The following SENP6 variants were observed in gnomAD, a reference collection of about 807,000 sequenced individuals.
SENP6 encodes the protein SUMO specific peptidase 6.
A neutral mutation model predicts 134.5 loss-of-function variants in SENP6; 41 were observed. That is an observed-to-expected ratio of 0.30 (90% CI 0.24 to 0.40). The LOEUF (loss-of-function observed/expected upper bound fraction) is 0.40. Among genes scored for constraint, SENP6 ranks in the 10% least tolerant of loss-of-function variants. The probability of loss-of-function intolerance (pLI) is 1.00; values close to 1 mark genes in which losing one functional copy is unlikely to be tolerated. For synonymous variants in SENP6, 395 were observed against 429.8 expected (o/e 0.92, Z 1.00); for missense variants, 1,248 against 1,312.5 (o/e 0.95, Z 0.76).
intron 9 of SENP6, among the ~76,000 whole-genome samples, chr6:75,664,272 A>AG (rs1015687286): frequency 6.6e-6 from 1 of 151,842 alleles, no homozygotes; most frequent in Non-Finnish European, 1.5e-5. Flanking sequence ...AAAAAAAAAA[A>AG]CAATAATAAT....
chr6:75,668,722 G>C (rs1772439557), intron 10 of SENP6, among the ~76,000 whole-genome samples: 1 of 152,196 alleles, frequency 6.6e-6, no homozygotes. Flanking sequence ...AGAATAGTTT[G>C]CTATCGCAAG....
chr6:75,670,095 G>A (rs1467589723), intron 10 of SENP6, among the ~76,000 whole-genome samples: 1 of 152,062 alleles, frequency 6.6e-6, no homozygotes, highest in African/African-American at 2.4e-5. Flanking sequence ...ACAGGCACCT[G>A]CCACCACACC....
chr6:75,678,731 T>C, intron 15 of SENP6, 39 bp downstream of exon 15: 1 of 1,387,304 alleles, frequency 7.2e-7, no homozygotes, highest in South Asian at 1.2e-5. Context: ...ATCTTAAATG[T>C]CTTTCTCTGT....
intron 7 of SENP6, among the ~76,000 whole-genome samples, chr6:75,652,696 A>AAAAAAAAAAAAAAAAAAAAAAG (rs796549538): frequency 6.7e-6 from 1 of 148,716 alleles, no homozygotes. Flanking sequence ...AAAAAAAAAA[A>AAAAAAAAAAAAAAAAAAAAAAG]AAAAAAAGAA....
chr6:75,703,172 A>T, intron 19 of SENP6, 100 bp downstream of exon 19: 1 of 1,037,576 alleles, frequency 9.6e-7, no homozygotes, highest in East Asian at 2.4e-5. Context: ...AATCAGGTTA[A>T]TGACTGGGTG....
At chr6:75,659,492 CT>C in intron 8 of SENP6, 85 bp downstream of exon 8, 1 of 1,280,844 alleles carries the variant, frequency 7.8e-7, no homozygotes, top group Non-Finnish European at 1.1e-6. Context: ...TCTAGGTGAT[CT>C]TTTATCATAG....
chr6:75,677,296 G>T, intron 14 of SENP6, 40 bp downstream of exon 14: 2 of 1,330,660 alleles, frequency 1.5e-6, no homozygotes, highest in African/African-American at 1.5e-5. Context: ...CTTAAATTGT[G>T]GGTAGTTTTA....
intron 17 of SENP6, 32 bp downstream of exon 17, chr6:75,695,955 G>T (rs762996910): frequency 6.5e-7 from 1 of 1,545,154 alleles, no homozygotes; most frequent in Non-Finnish European, 8.7e-7. Flanking sequence ...TTTAACAGAT[G>T]TAAGTCACTC....
At position 75,673,511 on chromosome 6, in the gene SENP6, A is replaced by G. The variant is rs1772847892; in HGVS notation, c.1393-1924A>G. Among the ~76,000 whole-genome samples, 4 of 151,452 alleles carry G rather than the reference A, an allele frequency of 2.6e-5. No individual in the cohort carries two copies. The South Asian group carries it at 8.4e-4, about 32-fold the overall frequency. On this transcript the variant is annotated intron_variant, in intron 11 of 23. Coordinates refer to ENST00000447266, the MANE Select transcript of SENP6 (RefSeq NM_015571.4). ...GCTAATTTTTGTATTTTTAGTAGAG[A>G]TGGTGTTACATCATCTTGGCCAGGC...
intron 16 of SENP6, among the ~76,000 whole-genome samples, chr6:75,693,409 TAAAAAAAA>T (rs534341760): frequency 8.1e-6 from 1 of 123,996 alleles, no homozygotes; most frequent in East Asian, 2.4e-4. Flanking sequence ...GTCTGAAATT[TAAAAAAAA>T]AAAAAAAAAA....
At chr6:75,652,791 A>C (rs1771000922) in intron 7 of SENP6, among the ~76,000 whole-genome samples, 1 of 151,672 alleles carries the variant, frequency 6.6e-6, no homozygotes, top group South Asian at 2.1e-4. Context: ...GCTTTTCAGC[A>C]ACATTAGATT....
chr6:75,671,412 C>A (rs1772664595), intron 11 of SENP6, among the ~76,000 whole-genome samples: 1 of 152,112 alleles, frequency 6.6e-6, no homozygotes, highest in African/African-American at 2.4e-5. Flanking sequence ...GTCCTTTTTA[C>A]ATAAAGCACT....
intron 10 of SENP6, among the ~76,000 whole-genome samples, chr6:75,670,189 C>T (rs1408424544): frequency 6.6e-6 from 1 of 152,068 alleles, no homozygotes; most frequent in Admixed American, 6.5e-5. Flanking sequence ...TCAGATGATC[C>T]GCCCATCTCG....
chr6:75,631,846 C>T (rs750453175), intron 3 of SENP6, among the ~76,000 whole-genome samples: 18 of 152,112 alleles, frequency 1.2e-4, no homozygotes, highest in Non-Finnish European at 2.2e-4. Flanking sequence ...GATTGATATC[C>T]GGAGGCCCCC....
chr6:75,707,343 T>TTTC (rs1412334139), intron 19 of SENP6, among the ~76,000 whole-genome samples: 4 of 147,560 alleles, frequency 2.7e-5, no homozygotes, highest in Admixed American at 1.4e-4. Flanking sequence ...TATTTTTTTC[T>TTTC]TTCTTCTTCT....
chr6:75,631,087 C>G (rs990454429), intron 3 of SENP6, among the ~76,000 whole-genome samples: 23 of 151,552 alleles, frequency 1.5e-4, no homozygotes, highest in Non-Finnish European at 2.9e-4. Context: ...TGTTGGTTCT[C>G]TTTCAAAGTT....
rs557671037 is a variant in SENP6 at position 75,673,479 on chromosome 6, A to C, written c.1393-1956A>C. Among the ~76,000 whole-genome samples, 14 of 151,838 alleles carry C rather than the reference A, an allele frequency of 9.2e-5. No individual in the cohort carries two copies. In the South Asian group the frequency reaches 2.3e-3, roughly 25 times the overall value. The stretch of plus-strand genomic sequence containing the variant: ...GCTGAGATTACAGGTGCCTGCCACC[A>C]TGCCTGGCTAATTTTTGTATTTTTA... On this transcript the variant is annotated intron_variant, in intron 11 of 23. Transcript: ENST00000447266.
At chr6:75,669,348 TC>T (rs1772493669) in intron 10 of SENP6, among the ~76,000 whole-genome samples, 1 of 152,142 alleles carries the variant, frequency 6.6e-6, no homozygotes, top group African/African-American at 2.4e-5. Context: ...AGAGCGAGAC[TC>T]CATCTCAAAA....
intron 20 of SENP6, 77 bp from the exon 21 acceptor site, chr6:75,711,251 C>A: frequency 1.0e-6 from 1 of 979,398 alleles, no homozygotes; most frequent in Non-Finnish European, 1.5e-6. Flanking sequence ...ATTTTTGTCT[C>A]CAGTGTGCTA....
Sources: allele counts gnomAD v4.1 joint callset (sites outside exome capture counted in the v4.1 genomes callset), GRCh38; gene constraint gnomAD v4.1.1; transcripts MANE v1.5; gene names NCBI Gene and HGNC (gene_info 2026-07-23, HGNC 2026-07-21).